The following SAPCD1 variants were observed in gnomAD, a reference collection of about 807,000 sequenced individuals.
The protein encoded by SAPCD1 is suppressor APC domain containing 1.
In SAPCD1, 16 loss-of-function variants were observed where a neutral mutation model predicts 20.7. That is an observed-to-expected ratio of 0.77 (90% confidence interval 0.52 to 1.17). The LOEUF (loss-of-function observed/expected upper bound fraction) is 1.17, where lower values mean the gene tolerates loss of function less well. Ranked by LOEUF, SAPCD1 falls within the 50% of genes most tolerant of loss-of-function variation. SAPCD1 has a pLI of 0.00. For missense variants in SAPCD1, 173 were observed against 209.9 expected (o/e 0.82, Z 1.09); for synonymous variants, 77 against 84.8 (o/e 0.91, Z 0.50).
At chr6:31,762,854 A>G (rs952494471), upstream of SAPCD1, 2 of 551,142 alleles carry the variant, frequency 3.6e-6, no homozygotes, top group East Asian at 3.0e-5. Flanking sequence ...AGGCCCTACA[A>G]AACAGATTAG....
rs1004034887 is a variant in SAPCD1 at position 31,763,111 on chromosome 6, G to A, written c.57G>A (p.Leu19=). ...TGGTGCAGGCTCCCTACACAGTCCT[G>A]CTGCTGCCGCTGGGGACAAGCCGCC... Residue 19 remains leucine (L), a synonymous_variant, in exon 1 of 5, where the codon CTG becomes CTA. Transcript: ENST00000415669. This position sits in a 1 kb window ranked among gnomAD's most constrained non-coding sequence, Gnocchi z 4.9. 2 of 1,563,656 alleles carry A rather than the reference G, an allele frequency of 1.3e-6. No individual in the cohort carries two copies. Among genetic ancestry groups the A allele is most frequent in the Non-Finnish European group, 1.7e-6 (2 of 1,160,404 alleles).
In SAPCD1 at chr6:31,763,540, AG is replaced by A. The variant is rs1261941195; in HGVS notation, c.244del (p.Ala82ProfsTer7). 1 of 1,611,730 alleles carries A rather than the reference AG, an allele frequency of 6.2e-7. No homozygotes were observed. Among genetic ancestry groups the A allele is most frequent in the African/African-American group, 1.3e-5 (1 of 75,026 alleles). Reference sequence around the variant, plus strand: ...AGGCACAGCGACAGCAGCTGCATCTAGGGGCCCTTGGTGAGGTATGGGGGCT... The same window carrying A: ...AGGCACAGCGACAGCAGCTGCATCTAGGGCCCTTGGTGAGGTATGGGGGCT... On this transcript the variant is annotated frameshift_variant, in exon 2 of 5. Coordinates refer to ENST00000415669, the Ensembl canonical transcript of SAPCD1. LOFTEE classifies it high-confidence loss of function. The surrounding 1 kb of genome is among the most constrained non-coding windows in gnomAD (Gnocchi z 4.9).
At position 31,763,265 on chromosome 6, in the gene SAPCD1, T is replaced by C. The variant is rs934926239; in HGVS notation, c.114+97T>C. The C allele has an allele frequency of 9.0e-6, 11 of 1,223,818 alleles. No individual in the cohort carries two copies. Among genetic ancestry groups the C allele is most frequent in the Non-Finnish European group, 1.2e-5 (10 of 852,542 alleles). The allele number at this position is 1,223,818 out of a possible 1,614,324, so 75.8% of individuals were successfully genotyped here. ...CTTGAGGGCCCACAGTGTTCCCGCCTGCCTCCCCTTGCCCTCCAGGTCCTC... is the reference window on the plus strand; with the variant it reads ...CTTGAGGGCCCACAGTGTTCCCGCCCGCCTCCCCTTGCCCTCCAGGTCCTC... On this transcript the variant is annotated intron_variant, in intron 1 of 4. Transcript: ENST00000415669. The surrounding 1 kb of genome is among the most constrained non-coding windows in gnomAD (Gnocchi z 4.9).
rs747991080 is a variant in SAPCD1 at position 31,764,391 on chromosome 6, A to T, written c.441+36A>T. 1.2e-6 allele frequency: 2 copies of T among 1,606,592 alleles called. No individual in the cohort carries two copies. The highest frequency in any genetic ancestry group is 2.2e-5 in the East Asian group (1 of 44,858). On this transcript the variant is annotated intron_variant, in intron 4 of 4. Transcript: ENST00000415669. This position sits in a 1 kb window ranked among gnomAD's most constrained non-coding sequence, Gnocchi z 4.7. Reference sequence around the variant, plus strand: ...AGAAGGAGGGCAGGAGCCCCACCCTACAGGGCTGGGAGGAGCCCAGAGGCC... The same window carrying T: ...AGAAGGAGGGCAGGAGCCCCACCCTTCAGGGCTGGGAGGAGCCCAGAGGCC...
rs1357742238 is a variant in SAPCD1 at position 31,764,038 on chromosome 6, T to C, written c.256-26T>C. 3 of 1,504,854 alleles carry C rather than the reference T, an allele frequency of 2.0e-6. No individual in the cohort carries two copies. The African/African-American group carries it at 4.1e-5, about 21-fold the overall frequency. The allele number at this position is 1,504,854 out of a possible 1,614,324, so 93.2% of individuals were successfully genotyped here. ...CAGACGACCTCAGGTTTTCACCATG[T>C]TGTCAGCCTCCAACTCCTCCTCTAG... On this transcript the variant is annotated intron_variant, in intron 2 of 4. Coordinates refer to ENST00000415669, the Ensembl canonical transcript of SAPCD1. The surrounding 1 kb of genome is among the most constrained non-coding windows in gnomAD (Gnocchi z 4.7).
chr6:31,763,246 G>T lies in SAPCD1; in HGVS notation c.114+78G>T. On this transcript the variant is annotated intron_variant, in intron 1 of 4. Coordinates refer to ENST00000415669, the Ensembl canonical transcript of SAPCD1. This position sits in a 1 kb window ranked among gnomAD's most constrained non-coding sequence, Gnocchi z 4.9. ...CCTTTATATTTCCATTCAACTTGAG[G>T]GCCCACAGTGTTCCCGCCTGCCTCC... is the stretch of plus-strand genomic sequence containing the variant. 8.4e-7 allele frequency: 1 copy of T among 1,193,246 alleles called. No homozygotes were observed. The highest frequency in any genetic ancestry group is 1.2e-6 in the Non-Finnish European group (1 of 832,146). The allele number at this position is 1,193,246 out of a possible 1,614,324, so 73.9% of individuals were successfully genotyped here.
At position 31,764,130 on chromosome 6, in the gene SAPCD1, A is replaced by C. The variant is rs1036725887; in HGVS notation, c.322A>C (p.Ile108Leu). The change falls in exon 3 of 5, where the codon ATC becomes CTC. Residue 108 changes from isoleucine (I) to leucine (L), a missense_variant. Transcript: ENST00000415669. This position sits in a 1 kb window ranked among gnomAD's most constrained non-coding sequence, Gnocchi z 4.7. Reference sequence around the variant, plus strand: ...GTTAGCCCAGATTCAAAAGGTGAACATCTGTTTGCAGAATCTGATTCATGA... The same window carrying C: ...GTTAGCCCAGATTCAAAAGGTGAACCTCTGTTTGCAGAATCTGATTCATGA... The C allele has an allele frequency of 8.1e-6, 13 of 1,613,874 alleles. No homozygotes were observed. Among genetic ancestry groups the C allele is most frequent in the Non-Finnish European group, 1.1e-5 (13 of 1,179,742 alleles).
upstream of SAPCD1, chr6:31,762,991 G>A: frequency 1.2e-6 from 1 of 864,540 alleles, no homozygotes; most frequent in Non-Finnish European, 1.8e-6. Context: ...AGGCAGGGGT[G>A]GAGGGGAGGG....
rs1173996650 is a variant in SAPCD1 at position 31,764,582 on chromosome 6, T to C, written c.*51T>C. 1.5e-6 allele frequency: 2 copies of C among 1,365,464 alleles called. No homozygotes were observed. The highest frequency in any genetic ancestry group is 1.5e-5 in the African/African-American group (1 of 68,396). The allele number at this position is 1,365,464 out of a possible 1,614,324, so 84.6% of individuals were successfully genotyped here. A position where few individuals can be genotyped will look rare whatever the true frequency, so the allele number is the denominator to read the frequency against. ...GGTGAAAGAGTCAGAAGCCCCAGGCTCCTTTTTCTGTTTCTTAACTCAACA... is the reference window on the plus strand; with the variant it reads ...GGTGAAAGAGTCAGAAGCCCCAGGCCCCTTTTTCTGTTTCTTAACTCAACA... On this transcript the variant is annotated 3_prime_UTR_variant, in exon 5 of 5. Transcript: ENST00000415669. The surrounding 1 kb of genome is among the most constrained non-coding windows in gnomAD (Gnocchi z 4.7).
Position 31,764,725 on chromosome 6 carries a change from A to G in SAPCD1, c.*194A>G. ...GTCTCATGTCCTCATTCTCCCCTAT[A>G]TGACATGCAAAAACGATCTTTCTTT... On this transcript the variant is annotated 3_prime_UTR_variant, in exon 5 of 5. Coordinates refer to ENST00000415669, the Ensembl canonical transcript of SAPCD1. The surrounding 1 kb of genome is among the most constrained non-coding windows in gnomAD (Gnocchi z 4.7). The G allele has an allele frequency of 1.9e-6, 1 of 525,026 alleles. No individual in the cohort carries two copies. 32.5% of individuals were successfully genotyped at this position (525,026 alleles called of 1,614,324 possible).
In SAPCD1 at chr6:31,764,501, C is replaced by CA. The variant is rs1194186535; in HGVS notation, c.509dup (p.Pro172AlafsTer41). On this transcript the variant is annotated frameshift_variant, in exon 5 of 5. Coordinates refer to ENST00000415669, the Ensembl canonical transcript of SAPCD1. LOFTEE classifies it high-confidence loss of function. This position sits in a 1 kb window ranked among gnomAD's most constrained non-coding sequence, Gnocchi z 4.7. ...AGGAGATGGCTCAGCGGGGCTGCAC[C>CA]AAGGGGCCAAGAGGCCCTACCCGTG... 1.9e-6 allele frequency: 3 copies of CA among 1,613,812 alleles called. No individual in the cohort carries two copies. Among genetic ancestry groups the CA allele is most frequent in the Non-Finnish European group, 1.7e-6 (2 of 1,179,944 alleles).
Position 31,764,052 on chromosome 6 carries a change from CTCCTCCTCTAGA to C in SAPCD1, c.256-11_256del, listed in dbSNP as rs1811273624. 1 of 1,590,384 alleles carries C rather than the reference CTCCTCCTCTAGA, an allele frequency of 6.3e-7. No homozygotes were observed. Among genetic ancestry groups the C allele is most frequent in the African/African-American group, 1.3e-5 (1 of 74,524 alleles). On this transcript the variant is annotated splice_acceptor_variant and splice_polypyrimidine_tract_variant and coding_sequence_variant and intron_variant, in exon 3 of 5. Transcript: ENST00000415669. LOFTEE classifies it high-confidence loss of function. The surrounding 1 kb of genome is among the most constrained non-coding windows in gnomAD (Gnocchi z 4.7). ...TTTTCACCATGTTGTCAGCCTCCAACTCCTCCTCTAGAATTTTCTAACAGATTTACACTCAGA... is the reference window on the plus strand; with the variant it reads ...TTTTCACCATGTTGTCAGCCTCCAACATTTTCTAACAGATTTACACTCAGA...
rs1304689104 is a variant in SAPCD1 at position 31,763,558 on chromosome 6, A to G, written c.255+3A>G. 6.2e-7 allele frequency: 1 copy of G among 1,606,924 alleles called. No homozygotes were observed. Among genetic ancestry groups the G allele is most frequent in the African/African-American group, 1.3e-5 (1 of 74,800 alleles). Reference sequence around the variant, plus strand: ...TGCATCTAGGGGCCCTTGGTGAGGTATGGGGGCTGCCCCTCTGTGTGAATG... The same window carrying G: ...TGCATCTAGGGGCCCTTGGTGAGGTGTGGGGGCTGCCCCTCTGTGTGAATG... On this transcript the variant is annotated splice_donor_region_variant and intron_variant, in intron 2 of 4. Transcript: ENST00000415669. This position sits in a 1 kb window ranked among gnomAD's most constrained non-coding sequence, Gnocchi z 4.9.
chr6:31,764,272 C>T lies in SAPCD1; in HGVS notation c.358C>T (p.Pro120Ser). 6.2e-7 allele frequency: 1 copy of T among 1,614,028 alleles called. No homozygotes were observed. Among genetic ancestry groups the T allele is most frequent in the African/African-American group, 1.3e-5 (1 of 75,028 alleles). Reference sequence around the variant, plus strand: ...CAGCGAATTTCCCCTCCAGTTCTCCCCAAGTCCACTGAACAAGGCTAGTTC... The same window carrying T: ...CAGCGAATTTCCCCTCCAGTTCTCCTCAAGTCCACTGAACAAGGCTAGTTC... The change falls in exon 4 of 5, where the codon CCA becomes TCA. Residue 120 changes from proline to serine, a missense_variant. Pro to Ser is a moderately conservative substitution (Grantham distance 74). Transcript: ENST00000415669. The surrounding 1 kb of genome is among the most constrained non-coding windows in gnomAD (Gnocchi z 4.7).
At position 31,764,105 on chromosome 6, in the gene SAPCD1, G is replaced by A. The variant is rs569405724; in HGVS notation, c.297G>A (p.Pro99=). The stretch of plus-strand genomic sequence containing the variant: ...TACACTCAGAGCCTGGTCGCCCCCC[G>A]TTAGCCCAGATTCAAAAGGTGAACA... Residue 99 remains proline, a synonymous_variant, in exon 3 of 5, where the codon CCG becomes CCA. Transcript: ENST00000415669. The surrounding 1 kb of genome is among the most constrained non-coding windows in gnomAD (Gnocchi z 4.7). The A allele has an allele frequency of 3.7e-5, 59 of 1,613,860 alleles. No homozygotes were observed. Among genetic ancestry groups the A allele is most frequent in the South Asian group, 8.8e-5 (8 of 91,084 alleles).
Position 31,764,097 on chromosome 6 carries a change from C to G in SAPCD1, c.289C>G (p.Arg97Gly), listed in dbSNP as rs769827017. ...AACAGATTTACACTCAGAGCCTGGT[C>G]GCCCCCCGTTAGCCCAGATTCAAAA... Residue 97 changes from arginine to glycine, a missense_variant, in exon 3 of 5, where the codon CGC becomes GGC. By Grantham distance (125) the Arg-to-Gly change is moderately radical. Transcript: ENST00000415669. The surrounding 1 kb of genome is among the most constrained non-coding windows in gnomAD (Gnocchi z 4.7). The G allele has an allele frequency of 6.2e-7, 1 of 1,613,654 alleles. No homozygotes were observed. The highest frequency in any genetic ancestry group is 2.2e-5 in the East Asian group (1 of 44,884).
rs755465971 is a variant in SAPCD1, at chr6:31,764,236, A to C, written c.352-30A>C. The C allele has an allele frequency of 6.2e-7, 1 of 1,608,510 alleles. No homozygotes were observed. Among genetic ancestry groups the C allele is most frequent in the South Asian group, 1.1e-5 (1 of 90,960 alleles). On this transcript the variant is annotated intron_variant, in intron 3 of 4. Transcript: ENST00000415669. This position sits in a 1 kb window ranked among gnomAD's most constrained non-coding sequence, Gnocchi z 4.7. ...GAGTTGTTGGGGTCAGTGCTGGCTT[A>C]ACAGAAAACACAGCGAATTTCCCCT... is the stretch of plus-strand genomic sequence containing the variant.
In SAPCD1 at chr6:31,763,226, A is replaced by G; in HGVS notation, c.114+58A>G. On this transcript the variant is annotated intron_variant, in intron 1 of 4. Transcript: ENST00000415669. The surrounding 1 kb of genome is among the most constrained non-coding windows in gnomAD (Gnocchi z 4.9). Reference sequence around the variant, plus strand: ...AACTCTCTCAATAGATCTGCCCTTTATATTTCCATTCAACTTGAGGGCCCA... The same window carrying G: ...AACTCTCTCAATAGATCTGCCCTTTGTATTTCCATTCAACTTGAGGGCCCA... 1 of 1,229,858 alleles carries G rather than the reference A, an allele frequency of 8.1e-7. No individual in the cohort carries two copies. Among genetic ancestry groups the G allele is most frequent in the South Asian group, 1.4e-5 (1 of 73,666 alleles). The allele number at this position is 1,229,858 out of a possible 1,614,324, so 76.2% of individuals were successfully genotyped here.
At chr6:31,762,791 A>G (rs17201144), upstream of SAPCD1, 31,966 of 545,378 alleles carry the variant, frequency 0.059, 1,257 homozygotes, top group South Asian at 0.15. Context: ...TTGCTGTAGG[A>G]AGACTCCCGG....
Sources: gnomAD v4.1 joint callset for allele counts on GRCh38, gnomAD v4.1.1 for gene constraint, Gnocchi (gnomAD v3.1) non-coding constraint, MANE v1.5 for transcripts, NCBI Gene and HGNC (gene_info 2026-07-23, HGNC 2026-07-21) for gene names.